The following YWHAZ variants were observed in gnomAD, a reference collection of about 807,000 sequenced individuals.
YWHAZ encodes the protein 14-3-3 protein zeta/delta.
For synonymous variants in YWHAZ, 87 were observed against 103.6 expected (o/e 0.84, Z 0.97); for missense variants, 79 against 284.8 (o/e 0.28, Z 5.20).
At chr8:100,934,561 T>TCC (rs1004813561) in intron 2 of YWHAZ, among the ~76,000 whole-genome samples, 4 of 151,630 alleles carry the variant, frequency 2.6e-5, no homozygotes, top group Admixed American at 2.0e-4. Flanking sequence ...ATTAGCTGGG[T>TCC]GTGGTGGCAG....
intron 2 of YWHAZ, among the ~76,000 whole-genome samples, chr8:100,935,858 A>G (rs887951273): frequency 4.6e-5 from 7 of 152,210 alleles, no homozygotes; most frequent in Non-Finnish European, 7.4e-5. Flanking sequence ...ATTAATTTCA[A>G]AATCTCCCTT....
chr8:100,926,219 A>G (rs998772224), intron 2 of YWHAZ, among the ~76,000 whole-genome samples: 4 of 132,610 alleles, frequency 3.0e-5, no homozygotes, highest in Non-Finnish European at 4.7e-5. Flanking sequence ...TTTTTTTTTT[A>G]CAACTCAAGC....
At chr8:100,950,669 A>G (rs71506349) in intron 1 of YWHAZ, 403,672 of 824,706 alleles carry the variant, frequency 0.49, 95,991 homozygotes, top group South Asian at 0.6. Flanking sequence ...GGGGGGGGGG[A>G]GAGATGGGGA....
upstream of YWHAZ, chr8:100,953,119 C>T: frequency 1.0e-6 from 1 of 987,528 alleles, no homozygotes; most frequent in African/African-American, 1.7e-5. Flanking sequence ...ACAGCCTTCT[C>T]GGGCGGAGGG....
chr8:100,948,178 G>A lies in YWHAZ; in HGVS notation c.294+418C>T, dbSNP rs1326210563. ...ACATTATAGCGGCTAATCCTGAGAA[G>A]AGTACTATTTCTACAATGAGTATCC... On this transcript the variant is annotated intron_variant, in intron 2 of 5. Coordinates refer to ENST00000395958, the MANE Select transcript of YWHAZ (RefSeq NM_145690.3). The surrounding 1 kb of genome is among the most constrained non-coding windows in gnomAD (Gnocchi z 4.2). The A allele has an allele frequency of 2.0e-5, 31 of 1,513,490 alleles. No individual in the cohort carries two copies. Among genetic ancestry groups the A allele is most frequent in the Non-Finnish European group, 2.6e-5 (29 of 1,134,028 alleles). The allele number at this position is 1,513,490 out of a possible 1,614,324, so 93.8% of individuals were successfully genotyped here. A position where few individuals can be genotyped will look rare whatever the true frequency, so the allele number is the denominator to read the frequency against.
rs866800209 is a variant in YWHAZ, at chr8:100,919,883, T to A, written c.*810A>T. On this transcript the variant is annotated 3_prime_UTR_variant, in exon 6 of 6. Coordinates refer to ENST00000395958, the MANE Select transcript of YWHAZ (RefSeq NM_145690.3). ...TAGGCAAGTATCAAAAAAAAAAAAA[T>A]CACAAAAGCAAAAATCCTAAAAAAA... The A allele has an allele frequency of 1.8e-5, 2 of 110,418 alleles. No homozygotes were observed. The highest frequency in any genetic ancestry group is 3.4e-5 in the African/African-American group (1 of 29,244). The allele number at this position is 110,418 out of a possible 1,614,324, so 6.8% of individuals were successfully genotyped here.
chr8:100,934,530 G>A (rs913592597), intron 2 of YWHAZ, among the ~76,000 whole-genome samples: 3 of 151,852 alleles, frequency 2.0e-5, no homozygotes, highest in Non-Finnish European at 4.4e-5. Context: ...GCGAAACTCC[G>A]TCTCTACTAA....
intron 2 of YWHAZ, among the ~76,000 whole-genome samples, chr8:100,933,598 C>T (rs1482153284): frequency 1.3e-5 from 2 of 152,194 alleles, no homozygotes; most frequent in Non-Finnish European, 2.9e-5. Flanking sequence ...TATGTTCTCC[C>T]TAAAGCTAAT....
At chr8:100,939,114 T>G (rs540196682) in intron 2 of YWHAZ, among the ~76,000 whole-genome samples, 1 of 152,298 alleles carries the variant, frequency 6.6e-6, no homozygotes, top group South Asian at 2.1e-4. Flanking sequence ...GCCTAAAACT[T>G]TATTAATATA....
chr8:100,928,097 G>C (rs1373302280), intron 2 of YWHAZ, among the ~76,000 whole-genome samples: 4 of 152,154 alleles, frequency 2.6e-5, no homozygotes, highest in Admixed American at 6.5e-5. Flanking sequence ...GGCTAACAAG[G>C]TGAAACCCCG....
Position 100,924,652 on chromosome 8 carries a change from TAG to T in YWHAZ, c.418+262_418+263del, listed in dbSNP as rs999399202. 1.3e-5 allele frequency among the ~76,000 whole-genome samples: 2 copies of T among 152,172 alleles called. No homozygotes were observed. The highest frequency in any genetic ancestry group is 1.9e-4 in the East Asian group (1 of 5,204). On this transcript the variant is annotated intron_variant, in intron 3 of 5. Coordinates refer to ENST00000395958, the MANE Select transcript of YWHAZ (RefSeq NM_145690.3). The surrounding 1 kb of genome is among the most constrained non-coding windows in gnomAD (Gnocchi z 5.7). The stretch of plus-strand genomic sequence containing the variant: ...CAGCTAATTTTCAAAATATTTTTTG[TAG>T]AGAGAGATGTTGCTCAGGCTGGTCA...
intron 1 of YWHAZ, chr8:100,950,668 G>GC: frequency 1.2e-6 from 1 of 854,666 alleles, no homozygotes. Context: ...GGGGGGGGGG[G>GC]AGAGATGGGG....
chr8:100,929,201 A>ATTT (rs200634118), intron 2 of YWHAZ, among the ~76,000 whole-genome samples: 6 of 138,416 alleles, frequency 4.3e-5, no homozygotes, highest in Admixed American at 7.2e-5. Flanking sequence ...TCAAACATTG[A>ATTT]TTTTTTTTTT....
chr8:100,926,577 C>T (rs568639572), intron 2 of YWHAZ, among the ~76,000 whole-genome samples: 1 of 152,248 alleles, frequency 6.6e-6, no homozygotes, highest in South Asian at 2.1e-4. Context: ...CGAGGTTGCA[C>T]CACTGCACTG....
At chr8:100,925,148 CCAGT>C in intron 2 of YWHAZ, 109 bp from the exon 3 acceptor site, 1 of 1,127,228 alleles carries the variant, frequency 8.9e-7, no homozygotes, top group Non-Finnish European at 1.2e-6. Context: ...ACTTAAACAC[CCAGT>C]CACTGTCAAT....
chr8:100,940,368 A>G (rs538100306), intron 2 of YWHAZ, among the ~76,000 whole-genome samples: 1 of 152,036 alleles, frequency 6.6e-6, no homozygotes, highest in South Asian at 2.1e-4. Context: ...TACATGGGGG[A>G]CTATATTTTA....
intron 1 of YWHAZ, chr8:100,950,586 A>C: frequency 1.0e-6 from 1 of 984,916 alleles, no homozygotes; most frequent in Non-Finnish European, 1.2e-6. Context: ...AGCCCAACCT[A>C]CTGCAGAGTG....
At position 100,919,328 on chromosome 8, in the gene YWHAZ, TAC is replaced by T. The variant is rs1377455161; in HGVS notation, c.*1363_*1364del. The T allele has an allele frequency of 5.2e-5, 8 of 152,744 alleles. No individual in the cohort carries two copies. The highest frequency in any genetic ancestry group is 1.9e-4 in the East Asian group (1 of 5,188). 9.5% of individuals were successfully genotyped at this position (152,744 alleles called of 1,614,324 possible). ...AAAAGTGATTTGGAAGCACAAAACT[TAC>T]AGTTAATGCTACCCAATGTCATGAT... is the stretch of plus-strand genomic sequence containing the variant. On this transcript the variant is annotated 3_prime_UTR_variant, in exon 6 of 6. Transcript: ENST00000395958.
chr8:100,942,714 C>T (rs1331534876), intron 2 of YWHAZ, among the ~76,000 whole-genome samples: 5 of 152,046 alleles, frequency 3.3e-5, no homozygotes, highest in South Asian at 2.1e-4. Context: ...GATAGTGAGA[C>T]GACCAAACTA....
Sources: gnomAD v4.1 joint callset for allele counts (sites outside exome capture counted in the v4.1 genomes callset) on GRCh38, gnomAD v4.1.1 for gene constraint, Gnocchi (gnomAD v3.1) non-coding constraint, MANE v1.5 for transcripts, NCBI Gene and HGNC (gene_info 2026-07-23, HGNC 2026-07-21) for gene names.